Variants in ITGB7 observed in about 807,000 individuals in gnomAD.
The protein encoded by ITGB7 is integrin subunit beta 7.
In ITGB7, 55 loss-of-function variants were observed where a neutral mutation model predicts 83.4. The ratio of observed to expected loss-of-function variants is 0.66; its 90% CI spans 0.53 to 0.83. The LOEUF is 0.83. ITGB7 is among the 40% of genes least tolerant of loss of function. The pLI, the probability that ITGB7 is intolerant of heterozygous loss-of-function variation, is 0.00. For missense variants in ITGB7, 921 were observed against 1,046.7 expected (o/e 0.88, Z 1.66); for synonymous variants, 454 against 423.6 (o/e 1.07, Z -0.88).
At chr12:53,199,695 C>T (rs1390080489) in intron 3 of ITGB7, among the ~76,000 whole-genome samples, 1 of 142,062 alleles carries the variant, frequency 7.0e-6, no homozygotes, top group African/African-American at 2.5e-5. Flanking sequence ...CCAACCCCAT[C>T]CCCACTATGT....
In ITGB7 at chr12:53,193,876, G is replaced by T. The variant is rs1230238250; in HGVS notation, c.1334C>A (p.Ala445Asp). Residue 445 changes from alanine to aspartate, a missense_variant, in exon 11 of 16, where the codon GCC becomes GAC. Physicochemically the swap from Ala to Asp is moderately radical, Grantham distance 126. Coordinates refer to ENST00000267082, the MANE Select transcript of ITGB7 (RefSeq NM_000889.3). Reference sequence around the variant, plus strand: ...ATGGGGCTCTGGGAGGCAGTGGGTGGCTTGGAGAGAAACCCAGAAAGTCAC... The same window carrying T: ...ATGGGGCTCTGGGAGGCAGTGGGTGTCTTGGAGAGAAACCCAGAAAGTCAC... ...QTVTFWVSLQ[A>D]THCLPEPHLL... 1 of 1,613,390 alleles carries T rather than the reference G, an allele frequency of 6.2e-7. No homozygotes were observed. The highest frequency in any genetic ancestry group is 1.1e-5 in the South Asian group (1 of 91,024).
In ITGB7 at chr12:53,195,793, G is replaced by C. The variant is rs1049486775; in HGVS notation, c.976-72C>G. On this transcript the variant is annotated intron_variant, in intron 7 of 15. Transcript: ENST00000267082. The stretch of plus-strand genomic sequence containing the variant: ...CAACATGCAAGGTGCCCTCAGCCCA[G>C]GGAATCCAGGAACCAAGGTTCCACC... The C allele has an allele frequency of 6.8e-6, 9 of 1,315,282 alleles. No individual in the cohort carries two copies. The African/African-American group carries it at 1.2e-4, about 17-fold the overall frequency. The allele number at this position is 1,315,282 out of a possible 1,614,324, so 81.5% of individuals were successfully genotyped here.
intron 3 of ITGB7, among the ~76,000 whole-genome samples, chr12:53,198,615 C>T (rs1453397321): frequency 2.0e-5 from 3 of 151,678 alleles, no homozygotes; most frequent in Non-Finnish European, 4.4e-5. Flanking sequence ...CACCCCTCCC[C>T]TATCTCAACT....
intron 5 of ITGB7, 82 bp downstream of exon 5, chr12:53,197,411 G>A (rs1451142948): frequency 6.5e-7 from 1 of 1,532,500 alleles, no homozygotes. Context: ...TGGGGCCCTT[G>A]TGAGTCCAGG....
At position 53,192,863 on chromosome 12, in the gene ITGB7, T is replaced by C; in HGVS notation, c.1774A>G (p.Thr592Ala). Residue 592 changes from threonine (T) to alanine (A), a missense_variant, in exon 13 of 16, where the codon ACG (threonine) becomes GCG (alanine). By Grantham distance (58) the Thr-to-Ala change is moderately conservative. Coordinates refer to ENST00000267082, the MANE Select transcript of ITGB7 (RefSeq NM_000889.3). ...CCACTGCATTCGCATGCTCTGCCCG[T>C]GCGGTTGGCATGACAGTGACATACT... ...CGVCHCHANR[T>A]GRACECSGDM... 6.2e-7 allele frequency: 1 copy of C among 1,614,158 alleles called. No homozygotes were observed.
intron 10 of ITGB7, 35 bp from the exon 11 acceptor site, chr12:53,193,936 A>G: frequency 2.6e-6 from 4 of 1,561,932 alleles, no homozygotes; most frequent in Non-Finnish European, 3.5e-6. Flanking sequence ...ATGGTTATAC[A>G]CATGCACACA....
intron 7 of ITGB7, 97 bp downstream of exon 7, chr12:53,195,944 T>G (rs1592402679): frequency 7.2e-7 from 1 of 1,380,858 alleles, no homozygotes; most frequent in African/African-American, 1.4e-5. Flanking sequence ...GTCTACAGGG[T>G]GGTTACTGGT....
chr12:53,200,182 C>G (rs1942290001), intron 3 of ITGB7, 61 bp downstream of exon 3: 2 of 1,401,820 alleles, frequency 1.4e-6, no homozygotes, highest in East Asian at 4.6e-5. Flanking sequence ...CCAGGCTGCA[C>G]ATACATATAC....
At chr12:53,197,727 T>C (rs1942213636) in intron 4 of ITGB7, 23 bp downstream of exon 4, 3 of 1,586,160 alleles carry the variant, frequency 1.9e-6, no homozygotes, top group East Asian at 2.3e-5. Context: ...ACCTCTGGCC[T>C]GGCCCCGCCT....
rs1332595021 is a variant in ITGB7 at position 53,194,306 on chromosome 12, G to C, written c.1200C>G (p.Leu400=). ...SSTVTLEHSS[L]PPGVHISYES... is the part of the protein sequence containing the mutation. ...CGTAAGAAATGTGGACCCCAGGAGG[G>C]AGTGAAGAGTGTTCAAGGGTCACGG... Residue 400 remains leucine, a synonymous_variant, in exon 10 of 16, where the codon CTC becomes CTG. Transcript: ENST00000267082. 3.1e-6 allele frequency: 5 copies of C among 1,613,896 alleles called. No individual in the cohort carries two copies. Among genetic ancestry groups the C allele is most frequent in the African/African-American group, 1.3e-5 (1 of 74,860 alleles).
Position 53,192,403 on chromosome 12 carries a change from G to T in ITGB7, c.2082C>A (p.Asp694Glu). 2 of 1,614,106 alleles carry T rather than the reference G, an allele frequency of 1.2e-6. No homozygotes were observed. The highest frequency in any genetic ancestry group is 2.2e-5 in the South Asian group (2 of 91,086). Residue 694 changes from aspartate to glutamate, a missense_variant, in exon 14 of 16, where the codon GAC becomes GAA. Transcript: ENST00000267082. Reference sequence around the variant, plus strand: ...CCACCAAGAAGAAGAACAGCTGGTTGTCCAGGGTCCGCTCTTTGCACCAGC... The same window carrying T: ...CCACCAAGAAGAAGAACAGCTGGTTTTCCAGGGTCCGCTCTTTGCACCAGC... Reference protein sequence around the residue: ...DDGWCKERTLDNQLFFFLVED... With the variant: ...DDGWCKERTLENQLFFFLVED...
At chr12:53,198,285 C>T (rs1206863748) in intron 3 of ITGB7, among the ~76,000 whole-genome samples, 1 of 152,124 alleles carries the variant, frequency 6.6e-6, no homozygotes, top group South Asian at 2.1e-4. Context: ...TGTGCCACCA[C>T]GCCCAGGTTT....
intron 8 of ITGB7, 31 bp downstream of exon 8, chr12:53,195,595 C>A: frequency 6.3e-7 from 1 of 1,585,302 alleles, no homozygotes; most frequent in Non-Finnish European, 8.7e-7. Flanking sequence ...TGGGATGGGG[C>A]TGGGGGATCT....
Position 53,196,739 on chromosome 12 carries a change from C to T in ITGB7, c.656G>A (p.Arg219Gln), listed in dbSNP as rs748193418. Residue 219 changes from arginine (R) to glutamine (Q), a missense_variant, in exon 6 of 16, where the codon CGG becomes CAG. Arg to Gln is a conservative substitution (Grantham distance 43). Coordinates refer to ENST00000267082, the MANE Select transcript of ITGB7 (RefSeq NM_000889.3). ...GAATGGTGACTGGCAGCGCTCCAGC[C>T]GGGTGGGGCAGGGGTGGCGCAGTTT... is the stretch of plus-strand genomic sequence containing the variant. Reference protein sequence around the residue: ...PSKLRHPCPTRLERCQSPFSF... With the variant: ...PSKLRHPCPTQLERCQSPFSF... 1.7e-5 allele frequency: 28 copies of T among 1,613,536 alleles called. No homozygotes were observed. The highest frequency in any genetic ancestry group is 8.9e-5 in the East Asian group (4 of 44,894).
chr12:53,198,403 C>T (rs977275692), intron 3 of ITGB7, among the ~76,000 whole-genome samples: 1 of 151,326 alleles, frequency 6.6e-6, no homozygotes, highest in Non-Finnish European at 1.5e-5. Context: ...GGATTACAGA[C>T]GTGAACCACC....
chr12:53,203,705 C>T (rs1456214469), intron 1 of ITGB7, among the ~76,000 whole-genome samples: 2 of 144,692 alleles, frequency 1.4e-5, no homozygotes, highest in South Asian at 2.2e-4. Flanking sequence ...AGAAAAAAAC[C>T]ACAATGAGAT....
Position 53,195,468 on chromosome 12 carries a change from G to A in ITGB7, c.1072-5C>T. The A allele has an allele frequency of 1.9e-6, 3 of 1,612,534 alleles. No homozygotes were observed. Among genetic ancestry groups the A allele is most frequent in the Non-Finnish European group, 2.5e-6 (3 of 1,178,578 alleles). Reference sequence around the variant, plus strand: ...AGGAATCAGTTTACTCAGCTCCTGAGTTTTGGGGAGTTAAGGGAAATGGTG... The same window carrying A: ...AGGAATCAGTTTACTCAGCTCCTGAATTTTGGGGAGTTAAGGGAAATGGTG... On this transcript the variant is annotated splice_region_variant and splice_polypyrimidine_tract_variant and intron_variant, in intron 8 of 15. Coordinates refer to ENST00000267082, the MANE Select transcript of ITGB7 (RefSeq NM_000889.3).
At chr12:53,204,663 G>A (rs990143299) in intron 1 of ITGB7, among the ~76,000 whole-genome samples, 1 of 152,018 alleles carries the variant, frequency 6.6e-6, no homozygotes, top group Non-Finnish European at 1.5e-5. Flanking sequence ...CCACTGAATT[G>A]TACACTTAAA....
In ITGB7 at chr12:53,197,009, A is replaced by G. The variant is rs867594; in HGVS notation, c.575-189T>C. 0.011 allele frequency: 6,722 copies of G among 638,226 alleles called. 341 individuals carry two copies. The African/African-American group carries it at 0.11, about 10-fold the overall frequency. 39.5% of individuals were successfully genotyped at this position (638,226 alleles called of 1,614,324 possible). ...GGCTCAGGGAAGTGGCAGGTAGAAG[A>G]CATTAAGAGGAGGACACAACTTCCT... On this transcript the variant is annotated intron_variant, in intron 5 of 15. Coordinates refer to ENST00000267082, the MANE Select transcript of ITGB7 (RefSeq NM_000889.3).
Sources: allele counts gnomAD v4.1 joint callset (sites outside exome capture counted in the v4.1 genomes callset), GRCh38; gene constraint gnomAD v4.1.1; transcripts MANE v1.5; gene names NCBI Gene and HGNC (gene_info 2026-07-23, HGNC 2026-07-21).